Variants in CCNH observed in about 807,000 individuals in gnomAD.
CCNH encodes the protein cyclin H.
CCNH carries 31 observed loss-of-function variants against 41.9 expected under a neutral mutation model. That is an observed-to-expected ratio of 0.74 (90% CI 0.56 to 1.00). The LOEUF (loss-of-function observed/expected upper bound fraction) is 1.00. CCNH is among the 50% of genes least tolerant of loss of function. CCNH has a pLI of 0.00. For missense variants in CCNH, 362 were observed against 388.4 expected (o/e 0.93, Z 0.57); for synonymous variants, 138 against 136.1 (o/e 1.01, Z -0.10).
At chr5:87,315,480 T>C (rs1461249847), downstream of CCNH, among the ~76,000 whole-genome samples, 2 of 152,170 alleles carry the variant, frequency 1.3e-5, no homozygotes, top group Non-Finnish European at 2.9e-5. Context: ...CCAAATACTG[T>C]CAATGTATGA....
At chr5:87,384,850 C>G (rs1041686068) in intron 9 of CCNH, among the ~76,000 whole-genome samples, 2 of 152,026 alleles carry the variant, frequency 1.3e-5, no homozygotes, top group African/African-American at 4.8e-5. Context: ...CTTTATCTTG[C>G]TTCTTGAGCT....
chr5:87,409,255 T>C (rs1172262661), intron 3 of CCNH, 35 bp downstream of exon 3: 1 of 1,220,646 alleles, frequency 8.2e-7, no homozygotes, highest in Non-Finnish European at 1.2e-6. Context: ...AAGGTCTTCT[T>C]AAATGAAAAC....
downstream of CCNH, chr5:87,386,719 T>A: frequency 2.2e-6 from 2 of 899,566 alleles, no homozygotes; most frequent in East Asian, 4.9e-5. Context: ...TTTGGTGCAA[T>A]AGTAATTGCA....
At chr5:87,319,357 T>G (rs1473347967) in intron 9 of CCNH, among the ~76,000 whole-genome samples, 1 of 152,236 alleles carries the variant, frequency 6.6e-6, no homozygotes, top group Non-Finnish European at 1.5e-5. Flanking sequence ...ACTGCCCTAG[T>G]AGAGGGTCTC....
chr5:87,401,883 A>T (rs1763448390), intron 5 of CCNH, 111 bp from the exon 6 acceptor site: 3 of 571,122 alleles, frequency 5.3e-6, no homozygotes, highest in Non-Finnish European at 8.8e-6. Flanking sequence ...AAAAATTTTT[A>T]AATTTATGAA....
At chr5:87,353,950 G>A (rs560007500) in intron 9 of CCNH, among the ~76,000 whole-genome samples, 10 of 152,142 alleles carry the variant, frequency 6.6e-5, no homozygotes, top group Non-Finnish European at 8.8e-5. Flanking sequence ...TTCAAAAGAC[G>A]GATTAATAAT....
At chr5:87,376,643 T>G in exon 1 of CCNH, 1 of 1,505,088 alleles carries the variant, frequency 6.6e-7, no homozygotes, top group Non-Finnish European at 9.2e-7. Context: ...TCCATTAAGG[T>G]AAACATAGTA....
downstream of CCNH, chr5:87,389,650 C>A: frequency 1.5e-6 from 2 of 1,291,656 alleles, no homozygotes; most frequent in Non-Finnish European, 2.2e-6. Flanking sequence ...GACTCTGCAT[C>A]ATATTACAAA....
At chr5:87,368,918 T>C (rs1469070067) in intron 9 of CCNH, among the ~76,000 whole-genome samples, 1 of 152,194 alleles carries the variant, frequency 6.6e-6, no homozygotes, top group Non-Finnish European at 1.5e-5. Context: ...TTAAGTTTTA[T>C]CCAACTAGGG....
the CCNH span, among the ~76,000 whole-genome samples, chr5:87,313,300 T>C: frequency 6.6e-6 from 1 of 152,164 alleles, no homozygotes; most frequent in Non-Finnish European, 1.5e-5. Context: ...CCTGGAGGTA[T>C]AGGTATTCCT....
chr5:87,340,449 A>G (rs1758353472), intron 9 of CCNH, among the ~76,000 whole-genome samples: 1 of 151,936 alleles, frequency 6.6e-6, no homozygotes, highest in Non-Finnish European at 1.5e-5. Context: ...TCCCTTGGAT[A>G]TAGTAACATT....
chr5:87,392,866 A>ATAAG (rs1489500284), downstream of CCNH: 52 of 154,146 alleles, frequency 3.4e-4, no homozygotes, highest in Non-Finnish European at 4.3e-5. Context: ...ATTTTCAGTG[A>ATAAG]TAAGTGTGGA....
intron 9 of CCNH, among the ~76,000 whole-genome samples, chr5:87,323,452 T>C (rs764134501): frequency 1.3e-5 from 2 of 152,136 alleles, no homozygotes; most frequent in African/African-American, 4.8e-5. Flanking sequence ...CCTGTGCTCA[T>C]AGGGTTATTG....
chr5:87,390,776 T>C, downstream of CCNH: 1 of 1,586,518 alleles, frequency 6.3e-7, no homozygotes, highest in Non-Finnish European at 8.7e-7. Flanking sequence ...TCATTTATTT[T>C]CATACCATTT....
chr5:87,398,748 C>T (rs1455309799), intron 7 of CCNH, among the ~76,000 whole-genome samples: 5 of 151,932 alleles, frequency 3.3e-5, no homozygotes, highest in African/African-American at 7.3e-5. Context: ...CCAAGGTGGG[C>T]GGATCATGAG....
At chr5:87,374,818 CT>C, downstream of CCNH, 1 of 1,604,640 alleles carries the variant, frequency 6.2e-7, no homozygotes, top group Non-Finnish European at 8.5e-7. Flanking sequence ...TTTGTTAATT[CT>C]TTTTCTCCTT....
At chr5:87,369,784 T>C in intron 9 of CCNH, 1 of 1,516,974 alleles carries the variant, frequency 6.6e-7, no homozygotes, top group African/African-American at 1.4e-5. Flanking sequence ...TTATTAAGCT[T>C]CCTAATAATT....
Position 87,394,336 on chromosome 5 carries a change from G to GT in CCNH, c.*109dup, listed in dbSNP as rs561307395. On this transcript the variant is annotated 3_prime_UTR_variant, in exon 9 of 9. Transcript: ENST00000256897. ...GAAAGGGAAAGAAAACAATAGAAAA[G>GT]TTTTAATATATTTTATGTTTTCACA... is the stretch of plus-strand genomic sequence containing the variant. 339 of 1,435,204 alleles carry GT rather than the reference G, an allele frequency of 2.4e-4. No individual in the cohort carries two copies. Among genetic ancestry groups the GT allele is most frequent in the Non-Finnish European group, 2.5e-4 (276 of 1,086,450 alleles). The allele number at this position is 1,435,204 out of a possible 1,614,324, so 88.9% of individuals were successfully genotyped here. A position where few individuals can be genotyped will look rare whatever the true frequency, so the allele number is the denominator to read the frequency against.
At chr5:87,363,554 A>G (rs760563728) in intron 9 of CCNH, 2 of 1,580,088 alleles carry the variant, frequency 1.3e-6, no homozygotes, top group Non-Finnish European at 1.7e-6. Flanking sequence ...TAATAATAAA[A>G]TAGTACAAAC....
Sources: allele counts gnomAD v4.1 joint callset (sites outside exome capture counted in the v4.1 genomes callset), GRCh38; gene constraint gnomAD v4.1.1; transcripts MANE v1.5; gene names NCBI Gene and HGNC (gene_info 2026-07-23, HGNC 2026-07-21).